GRM1: variants seen among roughly 807,000 people sequenced by gnomAD.
GRM1 encodes glutamate metabotropic receptor 1, also known as metabotropic glutamate receptor 1.
In GRM1, 33 loss-of-function variants were observed where a neutral mutation model predicts 90.9. The ratio of observed to expected loss-of-function variants is 0.36; its 90% CI spans 0.28 to 0.49. GRM1 has a LOEUF of 0.49. Ranked by LOEUF, GRM1 falls within the 20% of genes least tolerant of loss-of-function variation. The pLI, the probability that GRM1 is intolerant of heterozygous loss-of-function variation, is 0.99. For synonymous variants in GRM1, 700 were observed against 613.2 expected (o/e 1.14, Z -2.09); for missense variants, 1,190 against 1,534.3 (o/e 0.78, Z 3.75).
At chr6:146,271,331 A>G (rs2114825533) in intron 2 of GRM1, among the ~76,000 whole-genome samples, 1 of 152,184 alleles carries the variant, frequency 6.6e-6, no homozygotes, top group East Asian at 1.9e-4. Flanking sequence ...AGTAAGCTCT[A>G]GTGATATCCA....
intron 2 of GRM1, among the ~76,000 whole-genome samples, chr6:146,164,461 A>G (rs1049714589): frequency 1.3e-5 from 2 of 152,172 alleles, no homozygotes; most frequent in South Asian, 2.1e-4. Flanking sequence ...CTTGATAGCT[A>G]GTAGAGAGAG....
intron 1 of GRM1, among the ~76,000 whole-genome samples, chr6:146,106,422 G>C (rs887427822): frequency 6.6e-6 from 1 of 152,088 alleles, no homozygotes. Context: ...AAAGGTGGTG[G>C]GCCCCAGACA....
At chr6:146,159,639 TCTCA>T (rs769502766) in intron 2 of GRM1, 42 bp downstream of exon 2, 3,583 of 1,112,814 alleles carry the variant, frequency 3.2e-3, no homozygotes, top group Middle Eastern at 6.1e-3. Flanking sequence ...TCTCTCTCTC[TCTCA>T]CACACACACA....
Position 146,127,458 on chromosome 6 carries a change from A to G in GRM1, c.701-31890A>G, listed in dbSNP as rs1776238310. Among the ~76,000 whole-genome samples the G allele has an allele frequency of 2.6e-5, 4 of 152,212 alleles. No homozygotes were observed. The South Asian group carries it at 6.2e-4, about 24-fold the overall frequency. On this transcript the variant is annotated intron_variant, in intron 1 of 7. Transcript: ENST00000282753. The stretch of plus-strand genomic sequence containing the variant: ...GAAAGTAATCAGAAAGGCCTTTCCC[A>G]GGGAAATGCAGGTGATATTGTTCAT...
intron 3 of GRM1, among the ~76,000 whole-genome samples, chr6:146,314,935 GCGTTT>G (rs1356074450): frequency 6.6e-6 from 1 of 152,122 alleles, no homozygotes; most frequent in African/African-American, 2.4e-5. Context: ...TCCAGTGACT[GCGTTT>G]CCGAAAAACT....
intron 2 of GRM1, among the ~76,000 whole-genome samples, chr6:146,253,780 C>T (rs1449513046): frequency 2.0e-5 from 3 of 152,100 alleles, no homozygotes; most frequent in Non-Finnish European, 4.4e-5. Context: ...AAATCTTCTG[C>T]ATAACATTAT....
chr6:146,100,897 A>C (rs1237501026), intron 1 of GRM1, among the ~76,000 whole-genome samples: 1 of 152,190 alleles, frequency 6.6e-6, no homozygotes, highest in Non-Finnish European at 1.5e-5. Context: ...CAGGAGTTCA[A>C]GACTAGCCTA....
intron 1 of GRM1, among the ~76,000 whole-genome samples, chr6:146,030,616 T>G (rs908952739): frequency 6.6e-6 from 1 of 152,200 alleles, no homozygotes; most frequent in South Asian, 2.1e-4. Flanking sequence ...TGTGAGTGAT[T>G]GGCAAAAAGA....
At position 146,314,051 on chromosome 6, in the gene GRM1, CTTTTTTTTTTTTTTTTT is replaced by C. The variant is rs552986343; in HGVS notation, c.1186+9221_1186+9237del. Among the ~76,000 whole-genome samples, 15 of 62,000 alleles carry C rather than the reference CTTTTTTTTTTTTTTTTT, an allele frequency of 2.4e-4. No individual in the cohort carries two copies. The East Asian group carries it at 3.5e-3, about 14-fold the overall frequency. The allele number at this position is 62,000 out of a possible 152,430, so 40.7% of individuals were successfully genotyped here. ...CACTGTATATATCAATAGTTAATTC[CTTTTTTTTTTTTTTTTT>C]TTTTTTTTTTTTTTTGGAGACAGAG... is the stretch of plus-strand genomic sequence containing the variant. On this transcript the variant is annotated intron_variant, in intron 3 of 7. Transcript: ENST00000282753.
At chr6:146,172,013 C>T (rs901051553) in intron 2 of GRM1, among the ~76,000 whole-genome samples, 1 of 151,630 alleles carries the variant, frequency 6.6e-6, no homozygotes. Flanking sequence ...TTAATATGGT[C>T]CTACCTTGAG....
At chr6:146,246,381 C>T (rs976141913) in intron 2 of GRM1, among the ~76,000 whole-genome samples, 1 of 152,098 alleles carries the variant, frequency 6.6e-6, no homozygotes, top group African/African-American at 2.4e-5. Flanking sequence ...CAATGGGGAC[C>T]TTGCCAGCCA....
At chr6:146,189,748 C>A (rs1192633178) in intron 2 of GRM1, among the ~76,000 whole-genome samples, 1 of 152,206 alleles carries the variant, frequency 6.6e-6, no homozygotes, top group Non-Finnish European at 1.5e-5. Flanking sequence ...GAAGCAGCGT[C>A]ATGGCTCTCT....
chr6:146,191,727 A>G (rs576844261), intron 2 of GRM1, among the ~76,000 whole-genome samples: 1 of 151,578 alleles, frequency 6.6e-6, no homozygotes, highest in South Asian at 2.1e-4. Context: ...TTTTTTTCAG[A>G]TATTTTCTTC....
At chr6:146,055,479 A>G (rs1775452531) in intron 1 of GRM1, among the ~76,000 whole-genome samples, 1 of 152,102 alleles carries the variant, frequency 6.6e-6, no homozygotes, top group African/African-American at 2.4e-5. Context: ...AGTTATTCCA[A>G]AATCATGACT....
At chr6:146,145,266 T>C (rs142072504) in intron 1 of GRM1, among the ~76,000 whole-genome samples, 2 of 152,244 alleles carry the variant, frequency 1.3e-5, no homozygotes, top group Non-Finnish European at 2.9e-5. Flanking sequence ...GGTGAAGATA[T>C]TAGCACAGAT....
At chr6:146,076,889 G>A (rs1053623026) in intron 1 of GRM1, among the ~76,000 whole-genome samples, 17 of 152,006 alleles carry the variant, frequency 1.1e-4, no homozygotes, top group East Asian at 3.9e-4. Context: ...TTATCCCTGC[G>A]TATACCCTCC....
At chr6:146,170,182 A>T (rs1225298071) in intron 2 of GRM1, among the ~76,000 whole-genome samples, 2 of 151,720 alleles carry the variant, frequency 1.3e-5, no homozygotes, top group African/African-American at 4.8e-5. Context: ...GTGGTTTTTC[A>T]CTTGCTGTTT....
intron 1 of GRM1, among the ~76,000 whole-genome samples, chr6:146,105,944 A>G: frequency 6.6e-6 from 1 of 152,176 alleles, no homozygotes; most frequent in East Asian, 1.9e-4. Context: ...CAGTCTAGTG[A>G]TAATTCCACT....
At position 146,113,057 on chromosome 6, in the gene GRM1, A is replaced by G. The variant is rs181644107; in HGVS notation, c.701-46291A>G. The stretch of plus-strand genomic sequence containing the variant: ...TTTCCTTTCGACAAAAACATCAAAT[A>G]AAGTCCAATAGTAAGAAAGTAGCAA... On this transcript the variant is annotated intron_variant, in intron 1 of 7. Transcript: ENST00000282753. Among the ~76,000 whole-genome samples the G allele has an allele frequency of 1.4e-3, 216 of 152,364 alleles. 3 individuals are homozygous for G. The highest frequency in any genetic ancestry group is 7.4e-3 in the Admixed American group (113 of 15,300).
Sources: allele counts gnomAD v4.1 joint callset (sites outside exome capture counted in the v4.1 genomes callset), GRCh38; gene constraint gnomAD v4.1.1; transcripts MANE v1.5; gene names NCBI Gene and HGNC (gene_info 2026-07-23, HGNC 2026-07-21).